The following KCNH1 variants were observed in gnomAD, a reference collection of about 807,000 sequenced individuals.
KCNH1 encodes potassium voltage-gated channel subfamily H member 1.
In KCNH1, 27 loss-of-function variants were observed where a neutral mutation model predicts 69.2. The observed-to-expected ratio is 0.39, with a 90% CI of 0.29 to 0.54. The LOEUF is 0.54. Among genes scored for constraint, KCNH1 ranks in the 20% least tolerant of loss-of-function variants. KCNH1 has a pLI of 0.68. For missense variants in KCNH1, 798 were observed against 1,261.6 expected (o/e 0.63, Z 5.57); for synonymous variants, 456 against 487.7 (o/e 0.93, Z 0.86).
intron 3 of KCNH1, among the ~76,000 whole-genome samples, chr1:211,099,333 C>T (rs146926813): frequency 6.6e-6 from 1 of 151,800 alleles, no homozygotes; most frequent in East Asian, 1.9e-4. Context: ...TTTTTGCATG[C>T]ATTCATCATG....
chr1:210,975,440 T>C (rs1400946470), intron 6 of KCNH1, among the ~76,000 whole-genome samples: 2 of 152,096 alleles, frequency 1.3e-5, no homozygotes, highest in Non-Finnish European at 1.5e-5. Context: ...TCAGGAATAA[T>C]ACCACACATC....
chr1:210,949,091 A>G (rs1467721700), intron 6 of KCNH1, among the ~76,000 whole-genome samples: 14 of 152,144 alleles, frequency 9.2e-5, no homozygotes, highest in African/African-American at 2.7e-4. Flanking sequence ...TATGTAATGA[A>G]CAATTTTTTT....
chr1:210,765,411 A>C (rs1341676664), intron 10 of KCNH1, among the ~76,000 whole-genome samples: 1 of 152,186 alleles, frequency 6.6e-6, no homozygotes, highest in Non-Finnish European at 1.5e-5. Flanking sequence ...AATAAAACAA[A>C]CAACCACAAA....
In KCNH1 at chr1:211,134,058, C is replaced by G. The variant is rs1691930119; in HGVS notation, c.-113G>C. On this transcript the variant is annotated 5_prime_UTR_variant, in exon 1 of 11. Transcript: ENST00000271751. This position sits in a 1 kb window ranked among gnomAD's most constrained non-coding sequence, Gnocchi z 5.7. ...GGCTCGAAGCGCCCCATGCGCCCGG[C>G]GGGGATCCGCAGGCAGGGCTGGCGG... 5 of 877,968 alleles carry G rather than the reference C, an allele frequency of 5.7e-6. No individual in the cohort carries two copies. The highest frequency in any genetic ancestry group is 1.7e-5 in the African/African-American group (1 of 57,640). The allele number at this position is 877,968 out of a possible 1,614,324, so 54.4% of individuals were successfully genotyped here. A position where few individuals can be genotyped will look rare whatever the true frequency, so the allele number is the denominator to read the frequency against.
intron 6 of KCNH1, among the ~76,000 whole-genome samples, chr1:210,950,867 T>C (rs1308377221): frequency 6.6e-6 from 1 of 152,194 alleles, no homozygotes; most frequent in Non-Finnish European, 1.5e-5. Context: ...TTGAGTGGCC[T>C]CAAGTGCCAG....
At chr1:210,974,561 C>CTTTT (rs11321855) in intron 6 of KCNH1, among the ~76,000 whole-genome samples, 5 of 95,252 alleles carry the variant, frequency 5.2e-5, no homozygotes, top group South Asian at 3.6e-4. Context: ...TTTCTTCATC[C>CTTTT]TTTTTTTTTT....
chr1:210,736,015 T>C (rs1415777339), intron 10 of KCNH1, among the ~76,000 whole-genome samples: 1 of 152,210 alleles, frequency 6.6e-6, no homozygotes, highest in Non-Finnish European at 1.5e-5. Context: ...TACTGTTCTT[T>C]TGCATTGTTT....
intron 6 of KCNH1, among the ~76,000 whole-genome samples, chr1:210,967,049 A>G (rs1046563948): frequency 6.6e-6 from 1 of 150,850 alleles, no homozygotes; most frequent in African/African-American, 2.4e-5. Context: ...AAAACGATTG[A>G]GTTCATGTCA....
intron 10 of KCNH1, among the ~76,000 whole-genome samples, chr1:210,751,630 G>T (rs1030144504): frequency 2.0e-5 from 3 of 152,056 alleles, no homozygotes; most frequent in African/African-American, 4.8e-5. Flanking sequence ...GGACCTGAGG[G>T]TGCCTGCTGC....
Position 210,983,495 on chromosome 1 carries a change from C to A in KCNH1, c.1032+35288G>T, listed in dbSNP as rs559231960. Among the ~76,000 whole-genome samples, 5 of 152,312 alleles carry A rather than the reference C, an allele frequency of 3.3e-5. No homozygotes were observed. In the East Asian group the frequency reaches 9.6e-4, roughly 29 times the overall value. ...GTTTCAGCTTTCTACATATGGCTAG[C>A]CAGTTTTCCCAGCACCATTTATTAA... On this transcript the variant is annotated intron_variant, in intron 6 of 10. Coordinates refer to ENST00000271751, the MANE Select transcript of KCNH1 (RefSeq NM_172362.3).
At chr1:211,080,275 C>T (rs1690826860) in intron 5 of KCNH1, among the ~76,000 whole-genome samples, 1 of 152,144 alleles carries the variant, frequency 6.6e-6, no homozygotes, top group South Asian at 2.1e-4. Context: ...TGTGAAGGAC[C>T]CCTTCAAGGA....
intron 7 of KCNH1, among the ~76,000 whole-genome samples, chr1:210,886,258 T>C (rs1353055286): frequency 6.6e-6 from 1 of 152,166 alleles, no homozygotes; most frequent in Non-Finnish European, 1.5e-5. Flanking sequence ...AAACAGGGTC[T>C]GGAGTGGACC....
chr1:210,859,283 CT>C, intron 7 of KCNH1: 1 of 1,587,924 alleles, frequency 6.3e-7, no homozygotes, highest in Middle Eastern at 1.7e-4. Flanking sequence ...ATGAGCTGCT[CT>C]TCTTTGATTG....
intron 10 of KCNH1, among the ~76,000 whole-genome samples, chr1:210,755,790 T>C (rs1438130180): frequency 2.0e-5 from 3 of 152,198 alleles, no homozygotes; most frequent in African/African-American, 7.2e-5. Flanking sequence ...CCCACTTTCC[T>C]AGGGCAAAAG....
intron 6 of KCNH1, among the ~76,000 whole-genome samples, chr1:210,942,616 C>T (rs940342213): frequency 1.2e-4 from 19 of 152,074 alleles, no homozygotes; most frequent in African/African-American, 4.3e-4. Context: ...GAGAATAATG[C>T]CCCTTCTCTG....
intron 7 of KCNH1, chr1:210,861,333 A>G (rs1685973919): frequency 1.3e-6 from 1 of 794,276 alleles, no homozygotes; most frequent in Non-Finnish European, 2.3e-6. Flanking sequence ...GGAGCCATAT[A>G]TTGCTTCTCG....
rs1135318 is a variant in KCNH1, at chr1:210,683,647, C to T, written c.2604G>A (p.Ala868=). Residue 868 remains alanine, a synonymous_variant, in exon 11 of 11, where the codon GCG becomes GCA. Coordinates refer to ENST00000271751, the MANE Select transcript of KCNH1 (RefSeq NM_172362.3). The surrounding 1 kb of genome is among the most constrained non-coding windows in gnomAD (Gnocchi z 5.7). The part of the protein sequence containing the change: ...SMETLPERTK[A]SGEATLKKTD... ...TCTTCTTCAGTGTGGCCTCGCCTGACGCTTTTGTCCTCTCGGGAAGTGTCT... is the reference window on the plus strand; with the variant it reads ...TCTTCTTCAGTGTGGCCTCGCCTGATGCTTTTGTCCTCTCGGGAAGTGTCT... The T allele has an allele frequency of 2.1e-3, 3,414 of 1,614,230 alleles. 15 individuals are homozygous for T. The highest frequency in any genetic ancestry group is 0.015 in the Middle Eastern group (92 of 6,062).
chr1:210,950,624 G>A lies in KCNH1; in HGVS notation c.1033-30555C>T, dbSNP rs149736289. Among the ~76,000 whole-genome samples, 6 of 151,748 alleles carry A rather than the reference G, an allele frequency of 4.0e-5. No homozygotes were observed. In the East Asian group the frequency reaches 1.2e-3, roughly 29 times the overall value. ...TTCTTAATCCAGTCTATCATTGTTG[G>A]ACTTTTGGGTTGGTTCCAAGTCTTT... On this transcript the variant is annotated intron_variant, in intron 6 of 10. Coordinates refer to ENST00000271751, the MANE Select transcript of KCNH1 (RefSeq NM_172362.3).
At chr1:211,079,505 A>C (rs1407381965) in intron 5 of KCNH1, among the ~76,000 whole-genome samples, 3 of 152,212 alleles carry the variant, frequency 2.0e-5, no homozygotes, top group Non-Finnish European at 4.4e-5. Context: ...CCTGGCAGAA[A>C]CACAACAAAA....
Sources: gnomAD v4.1 joint callset for allele counts (sites outside exome capture counted in the v4.1 genomes callset) on GRCh38, gnomAD v4.1.1 for gene constraint, Gnocchi (gnomAD v3.1) non-coding constraint, MANE v1.5 for transcripts, NCBI Gene and HGNC (gene_info 2026-07-23, HGNC 2026-07-21) for gene names.